The following TEX15 variants were observed in gnomAD, a reference collection of about 807,000 sequenced individuals.
TEX15 encodes the protein testis-expressed protein 15.
Under a neutral mutation model 237.3 loss-of-function variants are expected in TEX15, and 171 were observed. The ratio of observed to expected loss-of-function variants is 0.72; its 90% CI spans 0.64 to 0.82. The LOEUF is 0.82. Ranked by LOEUF, TEX15 falls within the 40% of genes least tolerant of loss-of-function variation. The pLI is 0.00. For missense variants in TEX15, 3,750 were observed against 3,646.5 expected (o/e 1.03, Z -0.73); for synonymous variants, 1,338 against 1,269.8 (o/e 1.05, Z -1.14).
chr8:30,895,369 G>A (rs1403742378), intron 2 of TEX15, among the ~76,000 whole-genome samples: 1 of 150,868 alleles, frequency 6.6e-6, no homozygotes, highest in African/African-American at 2.4e-5. Flanking sequence ...TACTGAAGGG[G>A]TAAAGTTAAA....
chr8:30,877,242 G>A (rs1585303394), intron 3 of TEX15, among the ~76,000 whole-genome samples: 1 of 152,192 alleles, frequency 6.6e-6, no homozygotes, highest in Non-Finnish European at 1.5e-5. Context: ...GCATGTCTGT[G>A]AAAGCATTGC....
In TEX15 at chr8:30,848,089, G is replaced by T. The variant is rs1807666919; in HGVS notation, c.2078C>A (p.Ser693Tyr). 2 of 1,610,860 alleles carry T rather than the reference G, an allele frequency of 1.2e-6. No homozygotes were observed. Among genetic ancestry groups the T allele is most frequent in the Non-Finnish European group, 1.7e-6 (2 of 1,178,436 alleles). Residue 693 changes from serine to tyrosine, a missense_variant, in exon 8 of 11, where the codon TCT (serine) becomes TAT (tyrosine). Ser to Tyr is a moderately radical substitution (Grantham distance 144). Coordinates refer to ENST00000643185, the MANE Select transcript of TEX15 (RefSeq NM_001350162.2). ...CTTATCCTTTATGGTAGATGTAGAAGATTTTGTTATTTCTAACTCTTGAGT... is the reference window on the plus strand; with the variant it reads ...CTTATCCTTTATGGTAGATGTAGAATATTTTGTTATTTCTAACTCTTGAGT... ...LITQELEITK[S>Y]STSTIKDKDE...
chr8:30,836,826 G>T lies in TEX15; in HGVS notation c.9458C>A (p.Pro3153His). The change falls in exon 10 of 11, where the codon CCT (proline) becomes CAT (histidine). Residue 3153 changes from proline to histidine, a missense_variant. By Grantham distance (77) the Pro-to-His change is moderately conservative (BLOSUM62 -2). Transcript: ENST00000643185. ...ACCATAAACCCAAGGAACTTCTGGAGGCACAAATCGATTAGGAAGGTAAGG... is the reference window on the plus strand; with the variant it reads ...ACCATAAACCCAAGGAACTTCTGGATGCACAAATCGATTAGGAAGGTAAGG... ...TYPYLPNRFV[P>H]PEVPWVYAPW... 1 of 1,608,452 alleles carries T rather than the reference G, an allele frequency of 6.2e-7. No homozygotes were observed. Among genetic ancestry groups the T allele is most frequent in the Non-Finnish European group, 8.5e-7 (1 of 1,177,562 alleles).
chr8:30,861,895 C>T (rs1362299914), intron 5 of TEX15, among the ~76,000 whole-genome samples: 1 of 152,058 alleles, frequency 6.6e-6, no homozygotes, highest in Non-Finnish European at 1.5e-5. Flanking sequence ...TCACTAAATA[C>T]AGTCAGTAAA....
chr8:30,889,892 T>C (rs1049171364), intron 2 of TEX15, among the ~76,000 whole-genome samples: 4 of 144,368 alleles, frequency 2.8e-5, no homozygotes, highest in Non-Finnish European at 6.0e-5. Flanking sequence ...TCATATGAAA[T>C]AGTCCTACAA....
At chr8:30,863,395 T>A (rs575818889) in intron 5 of TEX15, among the ~76,000 whole-genome samples, 5 of 152,312 alleles carry the variant, frequency 3.3e-5, no homozygotes, top group African/African-American at 1.2e-4. Context: ...GACAGGCAGC[T>A]GTACAGTGTT....
rs775662943 is a variant in TEX15 at position 30,842,589 on chromosome 8, G to T, written c.7578C>A (p.Cys2526Ter). ...AGCAATTAACAGCTTCATTATATTT[G>T]CAGATAATATCCAGATCTTTCTTAA... ...SELKKDLDII[C>*]KYNEAVNCSY... The change falls in exon 8 of 11, where the codon TGC becomes TGA. Residue 2526 changes from cysteine (C) to a stop codon, truncating the protein, a stop_gained. Transcript: ENST00000643185. LOFTEE classifies it high-confidence loss of function. 1 of 1,610,580 alleles carries T rather than the reference G, an allele frequency of 6.2e-7. No individual in the cohort carries two copies.
intron 2 of TEX15, among the ~76,000 whole-genome samples, chr8:30,895,594 T>C (rs535771661): frequency 2.0e-5 from 3 of 150,454 alleles, no homozygotes; most frequent in Admixed American, 2.0e-4. Context: ...ACTCAACACC[T>C]ATGAAGCCAT....
chr8:30,880,921 T>C (rs1808506105), intron 3 of TEX15, among the ~76,000 whole-genome samples: 1 of 151,584 alleles, frequency 6.6e-6, no homozygotes, highest in Non-Finnish European at 1.5e-5. Flanking sequence ...CAAGTTTTCC[T>C]TTCTTTTTTT....
chr8:30,883,439 T>C (rs1326024568), intron 3 of TEX15, among the ~76,000 whole-genome samples: 6 of 152,102 alleles, frequency 3.9e-5, no homozygotes, highest in African/African-American at 9.7e-5. Context: ...GTTTGTTACA[T>C]AGATGTATGT....
At chr8:30,903,658 CCTT>C (rs1245949738) in intron 1 of TEX15, among the ~76,000 whole-genome samples, 1 of 152,222 alleles carries the variant, frequency 6.6e-6, no homozygotes, top group Admixed American at 6.5e-5. Flanking sequence ...GATTACCTAT[CCTT>C]CTACAAATCA....
chr8:30,848,713 C>A lies in TEX15; in HGVS notation c.1454G>T (p.Gly485Val). 1 of 1,614,136 alleles carries A rather than the reference C, an allele frequency of 6.2e-7. No homozygotes were observed. The highest frequency in any genetic ancestry group is 8.5e-7 in the Non-Finnish European group (1 of 1,180,008). ...NSASSSEVVP[G>V]DCAVLTNGLD... ...ACCATTAGTAAGAACAGCACAATCA[C>A]CAGGGACAACTTCTGAGGAGGAGGC... Residue 485 changes from glycine (G) to valine (V), a missense_variant, in exon 8 of 11, where the codon GGT becomes GTT. Transcript: ENST00000643185.
rs533857596 is a variant in TEX15 at position 30,908,775 on chromosome 8, G to T, written c.-86+4104C>A. On this transcript the variant is annotated intron_variant, in intron 1 of 10. Coordinates refer to ENST00000643185, the MANE Select transcript of TEX15 (RefSeq NM_001350162.2). ...TTTTGATAAGAGGGGTGTCTCACAT[G>T]CTTTAAAGAATCTGATGAAGTCATA... is the stretch of plus-strand genomic sequence containing the variant. Among the ~76,000 whole-genome samples, 96 of 152,250 alleles carry T rather than the reference G, an allele frequency of 6.3e-4. 1 individual carries two copies. The highest frequency in any genetic ancestry group is 2.0e-3 in the African/African-American group (85 of 41,540).
chr8:30,833,365 G>A, intron 10 of TEX15, 42 bp from the exon 11 acceptor site: 1 of 1,440,092 alleles, frequency 6.9e-7, no homozygotes, highest in Non-Finnish European at 9.6e-7. Context: ...AAATAATTTA[G>A]ACTAATGGTA....
chr8:30,845,443 T>A lies in TEX15; in HGVS notation c.4724A>T (p.Asp1575Val), dbSNP rs193278869. 64 of 1,612,830 alleles carry A rather than the reference T, an allele frequency of 4.0e-5. 1 individual carries two copies. In the East Asian group the frequency reaches 1.2e-3, roughly 30 times the overall value. Residue 1575 changes from aspartate (D) to valine (V), a missense_variant, in exon 8 of 11, where the codon GAT becomes GTT. Physicochemically the swap from Asp to Val is radical, Grantham distance 152. Transcript: ENST00000643185. ...EKLIEKENQI[D>V]TAFLSSTSKY... The stretch of plus-strand genomic sequence containing the variant: ...ACTAGTGCTAGATAAAAATGCTGTA[T>A]CAATTTGATTTTCTTTTTCTATTAG...
At chr8:30,884,509 A>G (rs950731821) in intron 3 of TEX15, among the ~76,000 whole-genome samples, 6 of 152,162 alleles carry the variant, frequency 3.9e-5, no homozygotes, top group South Asian at 2.1e-4. Flanking sequence ...AATTTGTTTA[A>G]TAGATAGATT....
rs779020937 is a variant in TEX15 at position 30,849,117 on chromosome 8, G to A, written c.1050C>T (p.Asn350=). The A allele has an allele frequency of 6.2e-7, 1 of 1,604,316 alleles. No homozygotes were observed. ...SNSYGNVQNG[N]ISIPETYSGQ... ...CACTGTATGTTTCAGGTATAGAAATGTTTCCATTTTGTACATTTCCATAGG... is the reference window on the plus strand; with the variant it reads ...CACTGTATGTTTCAGGTATAGAAATATTTCCATTTTGTACATTTCCATAGG... Residue 350 remains asparagine (N), a synonymous_variant, in exon 8 of 11, where the codon AAC becomes AAT. Coordinates refer to ENST00000643185, the MANE Select transcript of TEX15 (RefSeq NM_001350162.2).
chr8:30,867,651 A>C, intron 4 of TEX15, 149 bp from the exon 5 acceptor site: 3 of 589,892 alleles, frequency 5.1e-6, no homozygotes, highest in Non-Finnish European at 9.0e-6. Flanking sequence ...ATTTGGTTGA[A>C]AATCATCTTA....
rs1807532878 is a variant in TEX15, at chr8:30,844,222, C to T, written c.5945G>A (p.Ser1982Asn). ...TGAGCAATGTTTTTCTTTAAAATCA[C>T]TCACGTATGACGCAGGTTTCTTCAG... ...TLLKKPASYV[S>N]DFKEKHCSAN... is the part of the protein sequence containing the mutation. The change falls in exon 8 of 11, where the codon AGT becomes AAT. Residue 1982 changes from serine (S) to asparagine (N), a missense_variant. By Grantham distance (46) the Ser-to-Asn change is conservative. Transcript: ENST00000643185. 1.9e-6 allele frequency: 3 copies of T among 1,611,368 alleles called. No homozygotes were observed. In the South Asian group the frequency reaches 3.3e-5, roughly 18 times the overall value.
Sources: allele counts gnomAD v4.1 joint callset (sites outside exome capture counted in the v4.1 genomes callset), GRCh38; gene constraint gnomAD v4.1.1; transcripts MANE v1.5; gene names NCBI Gene and HGNC (gene_info 2026-07-23, HGNC 2026-07-21).